The following SKAP2 variants were observed in gnomAD, a reference collection of about 807,000 sequenced individuals.
SKAP2 encodes the protein src kinase associated phosphoprotein 2.
A neutral mutation model predicts 54.9 loss-of-function variants in SKAP2; 28 were observed. The observed-to-expected ratio is 0.51, with a 90% CI of 0.38 to 0.70. SKAP2 has a LOEUF of 0.70. SKAP2 is among the 30% of genes least tolerant of loss of function. SKAP2 has a pLI of 0.00. For missense variants in SKAP2, 356 were observed against 424.1 expected (o/e 0.84, Z 1.41); for synonymous variants, 137 against 134.3 (o/e 1.02, Z -0.14).
intron 4 of SKAP2, among the ~76,000 whole-genome samples, chr7:26,805,349 G>A (rs1359981524): frequency 6.6e-6 from 1 of 152,144 alleles, no homozygotes; most frequent in Non-Finnish European, 1.5e-5. Context: ...CAGGTATGCT[G>A]ATTTTAAAAT....
At chr7:26,748,230 A>G (rs1034380470) in intron 4 of SKAP2, among the ~76,000 whole-genome samples, 1 of 152,174 alleles carries the variant, frequency 6.6e-6, no homozygotes, top group Non-Finnish European at 1.5e-5. Flanking sequence ...TGGTCTAACA[A>G]TAAACCACTA....
chr7:26,660,465 T>C, the SKAP2 span, among the ~76,000 whole-genome samples: 1 of 152,086 alleles, frequency 6.6e-6, no homozygotes. Context: ...CCAGCCTCAG[T>C]ATACATCCAT....
chr7:26,695,426 C>A (rs1180188254), intron 9 of SKAP2, among the ~76,000 whole-genome samples: 7 of 152,134 alleles, frequency 4.6e-5, no homozygotes, highest in Admixed American at 4.6e-4. Context: ...TTATCATCAC[C>A]ATTTTATGAA....
At chr7:26,715,822 A>C (rs915941951) in intron 9 of SKAP2, among the ~76,000 whole-genome samples, 6 of 152,174 alleles carry the variant, frequency 3.9e-5, no homozygotes, top group Non-Finnish European at 5.9e-5. Flanking sequence ...CAATGCTACA[A>C]GTTGTTATTT....
At chr7:26,859,210 T>G (rs1785233822) in intron 1 of SKAP2, among the ~76,000 whole-genome samples, 1 of 151,270 alleles carries the variant, frequency 6.6e-6, no homozygotes, top group African/African-American at 2.4e-5. Context: ...CATTGAGATG[T>G]GCTGTCACCA....
intron 4 of SKAP2, among the ~76,000 whole-genome samples, chr7:26,803,567 C>CA (rs1220629613): frequency 2.0e-5 from 3 of 151,738 alleles, no homozygotes; most frequent in Admixed American, 2.0e-4. Flanking sequence ...GGAGGTTCCT[C>CA]AAAAAAACAA....
chr7:26,843,242 T>C (rs1489098610), intron 4 of SKAP2, among the ~76,000 whole-genome samples: 1 of 152,068 alleles, frequency 6.6e-6, no homozygotes, highest in Non-Finnish European at 1.5e-5. Context: ...GAAGGTATTA[T>C]TCATTTCTAT....
intron 4 of SKAP2, among the ~76,000 whole-genome samples, chr7:26,809,298 C>T (rs140116618): frequency 1.7e-3 from 251 of 151,940 alleles, no homozygotes; most frequent in African/African-American, 5.6e-3. Context: ...CCTGTAATCC[C>T]GCAACTTGGG....
At chr7:26,754,538 C>G (rs941063222) in intron 4 of SKAP2, among the ~76,000 whole-genome samples, 1 of 152,162 alleles carries the variant, frequency 6.6e-6, no homozygotes, top group East Asian at 1.9e-4. Context: ...ATAGCCCAAT[C>G]GTACATGGTC....
intron 1 of SKAP2, among the ~76,000 whole-genome samples, chr7:26,856,182 C>T (rs1785158014): frequency 6.9e-6 from 1 of 145,716 alleles, no homozygotes; most frequent in South Asian, 2.2e-4. Context: ...ATTAAGAATA[C>T]TGTAATAATT....
At position 26,669,132 on chromosome 7, in the gene SKAP2, AAAT is replaced by A. The variant is rs1786177288; in HGVS notation, c.*531_*533del. On this transcript the variant is annotated 3_prime_UTR_variant, in exon 13 of 13. Transcript: ENST00000345317. ...TAATAGGAATTAAATGTGTGAAAAT[AAAT>A]AATAACAATAAAGTTATCTATAAAG... 6.6e-6 allele frequency: 1 copy of A among 152,202 alleles called. No individual in the cohort carries two copies. Among genetic ancestry groups the A allele is most frequent in the African/African-American group, 2.4e-5 (1 of 41,454 alleles). The allele number at this position is 152,202 out of a possible 1,614,324, so 9.4% of individuals were successfully genotyped here.
chr7:26,813,976 G>A (rs186490381), intron 4 of SKAP2, among the ~76,000 whole-genome samples: 23 of 152,166 alleles, frequency 1.5e-4, no homozygotes, highest in African/African-American at 4.8e-4. Context: ...TTGATATTAG[G>A]AGCAAATTCT....
intron 9 of SKAP2, among the ~76,000 whole-genome samples, chr7:26,719,481 C>T (rs963744860): frequency 1.3e-5 from 2 of 152,160 alleles, no homozygotes; most frequent in African/African-American, 4.8e-5. Flanking sequence ...CCTTGCATTC[C>T]CCCAGGATGC....
At chr7:26,764,949 A>C (rs887478787) in intron 4 of SKAP2, among the ~76,000 whole-genome samples, 3 of 152,232 alleles carry the variant, frequency 2.0e-5, no homozygotes, top group Non-Finnish European at 4.4e-5. Context: ...ATACATGTGC[A>C]TGTGTCTTTA....
At chr7:26,784,224 C>T (rs1235838564) in intron 4 of SKAP2, among the ~76,000 whole-genome samples, 2 of 152,144 alleles carry the variant, frequency 1.3e-5, no homozygotes, top group Non-Finnish European at 2.9e-5. Context: ...CAAACCTTTA[C>T]CTCTGGCTGT....
chr7:26,844,846 C>T (rs1784891780), intron 3 of SKAP2, among the ~76,000 whole-genome samples: 1 of 152,034 alleles, frequency 6.6e-6, no homozygotes, highest in Non-Finnish European at 1.5e-5. Context: ...TGGCCAGTTT[C>T]CAACTTGATT....
chr7:26,660,590 G>A, the SKAP2 span, among the ~76,000 whole-genome samples: 1 of 151,944 alleles, frequency 6.6e-6, no homozygotes, highest in Non-Finnish European at 1.5e-5. Flanking sequence ...CTTAGGAAAA[G>A]TTTAGAAAAC....
At chr7:26,810,451 T>C (rs1250144827) in intron 4 of SKAP2, among the ~76,000 whole-genome samples, 1 of 152,152 alleles carries the variant, frequency 6.6e-6, no homozygotes, top group Non-Finnish European at 1.5e-5. Flanking sequence ...AGTCCAAGGA[T>C]ACAAAATTTC....
intron 4 of SKAP2, among the ~76,000 whole-genome samples, chr7:26,815,494 C>CA (rs1488602140): frequency 1.3e-5 from 2 of 152,016 alleles, no homozygotes; most frequent in Non-Finnish European, 2.9e-5. Context: ...GGTCGAATAG[C>CA]AAAAAACATC....
Sources: allele counts gnomAD v4.1 joint callset (sites outside exome capture counted in the v4.1 genomes callset), GRCh38; gene constraint gnomAD v4.1.1; transcripts MANE v1.5; gene names NCBI Gene and HGNC (gene_info 2026-07-23, HGNC 2026-07-21).